The following PIBF1 variants were observed in gnomAD, a reference collection of about 807,000 sequenced individuals.
PIBF1 encodes progesterone-induced-blocking factor 1.
Under a neutral mutation model 112.5 loss-of-function variants are expected in PIBF1, and 90 were observed. The ratio of observed to expected loss-of-function variants is 0.80; its 90% CI spans 0.67 to 0.95. The LOEUF is 0.95. PIBF1 is among the 40% of genes least tolerant of loss of function. The pLI is 0.00. For synonymous variants in PIBF1, 301 were observed against 288.6 expected (o/e 1.04, Z -0.44); for missense variants, 915 against 852.3 (o/e 1.07, Z -0.92).
At chr13:72,902,476 CAATATACCAA>C (rs2040531653) in intron 11 of PIBF1, among the ~76,000 whole-genome samples, 1 of 150,858 alleles carries the variant, frequency 6.6e-6, no homozygotes, top group Non-Finnish European at 1.5e-5. Context: ...CATCAGTAGG[CAATATACCAA>C]GTGGGTGGTA....
At chr13:72,997,448 A>G (rs537818057) in intron 16 of PIBF1, among the ~76,000 whole-genome samples, 7 of 152,356 alleles carry the variant, frequency 4.6e-5, no homozygotes, top group East Asian at 1.9e-4. Flanking sequence ...TCTCATGTAC[A>G]TTGGCCAAGC....
At chr13:72,908,484 T>C in intron 11 of PIBF1, 47 bp from the exon 12 acceptor site, 1 of 1,349,418 alleles carries the variant, frequency 7.4e-7, no homozygotes, top group Non-Finnish European at 1.0e-6. Flanking sequence ...GTCTTAACTG[T>C]GCACCTGTTT....
chr13:72,990,702 G>A (rs2043451002), intron 16 of PIBF1, among the ~76,000 whole-genome samples: 2 of 151,780 alleles, frequency 1.3e-5, no homozygotes, highest in South Asian at 4.2e-4. Context: ...ACAAAAATTA[G>A]CCAGGTGTGG....
chr13:72,864,591 G>C (rs1220575475), intron 10 of PIBF1, among the ~76,000 whole-genome samples: 1 of 152,052 alleles, frequency 6.6e-6, no homozygotes, highest in Non-Finnish European at 1.5e-5. Context: ...TTCTTTATAG[G>C]CTGCTGCTCT....
intron 11 of PIBF1, chr13:72,901,098 A>T (rs1203945572): frequency 2.2e-6 from 1 of 448,678 alleles, no homozygotes; most frequent in Non-Finnish European, 4.5e-6. Flanking sequence ...TTCGCACAGC[A>T]AAAGGAACAG....
In PIBF1 at chr13:72,901,609, C is replaced by T. The variant is rs184989738; in HGVS notation, c.1489-6922C>T. Among the ~76,000 whole-genome samples, 3 of 151,880 alleles carry T rather than the reference C, an allele frequency of 2.0e-5. No homozygotes were observed. In the East Asian group the frequency reaches 5.8e-4, roughly 29 times the overall value. On this transcript the variant is annotated intron_variant, in intron 11 of 17. Coordinates refer to ENST00000326291, the MANE Select transcript of PIBF1 (RefSeq NM_006346.4). ...CTGAGGCAGGAGAATCACTGGAACC[C>T]GGGAAGAAGAGGTTGCGGTGAGCAA...
intron 10 of PIBF1, among the ~76,000 whole-genome samples, chr13:72,893,388 C>T (rs923480232): frequency 2.0e-5 from 3 of 152,044 alleles, no homozygotes; most frequent in Non-Finnish European, 4.4e-5. Flanking sequence ...TTGCTTTCTT[C>T]TCCATCTGAC....
At chr13:72,986,117 T>TGCACCACTGCAAAA (rs1213747916) in intron 16 of PIBF1, among the ~76,000 whole-genome samples, 1 of 151,832 alleles carries the variant, frequency 6.6e-6, no homozygotes, top group Non-Finnish European at 1.5e-5. Context: ...GAGCTGTGCT[T>TGCACCACTGCAAAA]GCACCACTGC....
intron 9 of PIBF1, among the ~76,000 whole-genome samples, chr13:72,842,062 G>T (rs1594028073): frequency 6.6e-6 from 1 of 152,224 alleles, no homozygotes; most frequent in Middle Eastern, 3.4e-3. Flanking sequence ...CATTTAACCA[G>T]TTTTCTTAAA....
At chr13:72,997,844 A>G (rs2043730205) in intron 16 of PIBF1, among the ~76,000 whole-genome samples, 1 of 147,292 alleles carries the variant, frequency 6.8e-6, no homozygotes, top group South Asian at 2.2e-4. Flanking sequence ...ATATACTTGT[A>G]TATGATGTAT....
intron 5 of PIBF1, among the ~76,000 whole-genome samples, chr13:72,803,937 C>T (rs2035604348): frequency 6.6e-6 from 1 of 152,106 alleles, no homozygotes; most frequent in Admixed American, 6.6e-5. Flanking sequence ...GTCAGTTTTT[C>T]ATTTGAAGTT....
At chr13:72,861,774 C>G (rs1315055695) in intron 10 of PIBF1, among the ~76,000 whole-genome samples, 1 of 152,064 alleles carries the variant, frequency 6.6e-6, no homozygotes, top group Non-Finnish European at 1.5e-5. Context: ...CCATGTTGGC[C>G]AGGCTGGCCT....
At chr13:72,902,372 A>G (rs945812480) in intron 11 of PIBF1, among the ~76,000 whole-genome samples, 3 of 151,982 alleles carry the variant, frequency 2.0e-5, no homozygotes, top group Admixed American at 6.6e-5. Context: ...CTGTACCCCA[A>G]TAACTTACGG....
intron 10 of PIBF1, among the ~76,000 whole-genome samples, chr13:72,889,547 A>G (rs1229623733): frequency 6.6e-6 from 1 of 152,106 alleles, no homozygotes; most frequent in Non-Finnish European, 1.5e-5. Context: ...TTATTAGTTA[A>G]TTTGCCTAAT....
At chr13:72,965,707 G>T (rs1028002123) in intron 15 of PIBF1, among the ~76,000 whole-genome samples, 7 of 152,066 alleles carry the variant, frequency 4.6e-5, no homozygotes, top group African/African-American at 1.7e-4. Flanking sequence ...TCTTTAGTGT[G>T]GTGTAGATTG....
At chr13:72,825,789 G>C (rs117721304) in intron 6 of PIBF1, among the ~76,000 whole-genome samples, 1 of 151,936 alleles carries the variant, frequency 6.6e-6, no homozygotes, top group South Asian at 2.1e-4. Flanking sequence ...AACCAAGCTG[G>C]TTACAGCGTG....
chr13:72,874,697 C>A (rs899053315), intron 10 of PIBF1, among the ~76,000 whole-genome samples: 1 of 152,136 alleles, frequency 6.6e-6, no homozygotes, highest in African/African-American at 2.4e-5. Flanking sequence ...AACTTGCACA[C>A]TTAAAATTAG....
chr13:72,920,044 G>T (rs1444255381), intron 13 of PIBF1, among the ~76,000 whole-genome samples: 1 of 152,088 alleles, frequency 6.6e-6, no homozygotes, highest in African/African-American at 2.4e-5. Flanking sequence ...CAAATGCTGA[G>T]TTCTTCAGAA....
intron 14 of PIBF1, among the ~76,000 whole-genome samples, chr13:72,954,191 C>G (rs903644340): frequency 6.6e-6 from 1 of 152,264 alleles, no homozygotes; most frequent in African/African-American, 2.4e-5. Flanking sequence ...CAGCAAGTCC[C>G]ATACCCTCAG....
Sources: allele counts gnomAD v4.1 joint callset (sites outside exome capture counted in the v4.1 genomes callset), GRCh38; gene constraint gnomAD v4.1.1; transcripts MANE v1.5; gene names NCBI Gene and HGNC (gene_info 2026-07-23, HGNC 2026-07-21).